TSPAN8: variants seen among roughly 807,000 people sequenced by gnomAD.
The protein encoded by TSPAN8 is tetraspanin-8.
In TSPAN8, 21 loss-of-function variants were observed where a neutral mutation model predicts 32.8. That is an observed-to-expected ratio of 0.64 (90% CI 0.45 to 0.92). The LOEUF (loss-of-function observed/expected upper bound fraction) is 0.92. TSPAN8 is among the 40% of genes least tolerant of loss of function. The pLI, the probability that TSPAN8 is intolerant of heterozygous loss-of-function variation, is 0.00. For missense variants in TSPAN8, 269 were observed against 281.9 expected (o/e 0.95, Z 0.33); for synonymous variants, 95 against 94.6 (o/e 1.00, Z -0.03).
chr12:71,148,561 C>T (rs73341875), intron 2 of TSPAN8, among the ~76,000 whole-genome samples: 1,912 of 152,310 alleles, frequency 0.013, 44 homozygotes, highest in African/African-American at 0.043. Flanking sequence ...TTCAGCTCCA[C>T]AAAATTTCCA....
At chr12:71,144,081 T>C in intron 3 of TSPAN8, 70 bp downstream of exon 3, 1 of 1,374,744 alleles carries the variant, frequency 7.3e-7, no homozygotes. Context: ...ACTATTATTG[T>C]TATAACTTTC....
In TSPAN8 at chr12:71,138,013, C is replaced by T. The variant is rs1398762427; in HGVS notation, c.384G>A (p.Leu128=). ...GTTTTTCACTTTCCCCTGTGGCGCT[C>T]AAAAGCTTTGTGTTTTCATAGAGAG... The part of the protein sequence containing the change: ...NETLYENTKL[L]SATGESEKQF... Residue 128 remains leucine (L), a synonymous_variant, in exon 6 of 9, where the codon TTG becomes TTA. Coordinates refer to ENST00000247829, the MANE Select transcript of TSPAN8 (RefSeq NM_004616.3). 6.2e-7 allele frequency: 1 copy of T among 1,613,868 alleles called. No individual in the cohort carries two copies. The highest frequency in any genetic ancestry group is 1.3e-5 in the African/African-American group (1 of 74,888).
intron 4 of TSPAN8, chr12:71,139,262 C>T (rs934258870): frequency 4.8e-5 from 22 of 458,304 alleles, no homozygotes; most frequent in South Asian, 1.1e-4. Flanking sequence ...GTTGTCTTTC[C>T]GGAAAGCTTT....
chr12:71,142,543 A>G (rs1871933381), intron 3 of TSPAN8, among the ~76,000 whole-genome samples: 1 of 152,190 alleles, frequency 6.6e-6, no homozygotes, highest in African/African-American at 2.4e-5. Flanking sequence ...CCAAAGTCAG[A>G]CTTCAGATTC....
rs11178652 is a variant in TSPAN8 at position 71,142,701 on chromosome 12, A to C, written c.123+1450T>G. Among the ~76,000 whole-genome samples, 400 of 152,262 alleles carry C rather than the reference A, an allele frequency of 2.6e-3. 8 individuals are homozygous for C. The East Asian group carries it at 0.05, about 19-fold the overall frequency. On this transcript the variant is annotated intron_variant, in intron 3 of 8. Coordinates refer to ENST00000247829, the MANE Select transcript of TSPAN8 (RefSeq NM_004616.3). ...ACTAGGATGTTACTAAAAAGCTGCCACACCCATCTCCCACCCAATTTCTTC... is the reference window on the plus strand; with the variant it reads ...ACTAGGATGTTACTAAAAAGCTGCCCCACCCATCTCCCACCCAATTTCTTC...
At chr12:71,152,718 T>A (rs1872297868) in intron 2 of TSPAN8, among the ~76,000 whole-genome samples, 2 of 152,194 alleles carry the variant, frequency 1.3e-5, no homozygotes, top group Admixed American at 1.3e-4. Context: ...CCACTGTATT[T>A]ACAAAATTCA....
chr12:71,141,947 C>T (rs1280899762), intron 3 of TSPAN8, among the ~76,000 whole-genome samples: 1 of 152,130 alleles, frequency 6.6e-6, no homozygotes, highest in African/African-American at 2.4e-5. Context: ...TGTGCTTTTC[C>T]TCATGGTGCT....
At chr12:71,150,446 C>G (rs542395814) in intron 2 of TSPAN8, among the ~76,000 whole-genome samples, 3 of 152,106 alleles carry the variant, frequency 2.0e-5, no homozygotes, top group Non-Finnish European at 4.4e-5. Flanking sequence ...TACCCCTTCC[C>G]CTTTTGAAAT....
rs181384754 is a variant in TSPAN8, at chr12:71,134,423, T to C, written c.445-1599A>G. ...GGAGATCAGAGTCAAATTTCAAAGA[T>C]AGTTCAAATAACAGAGATAAACTAA... On this transcript the variant is annotated intron_variant, in intron 6 of 8. Coordinates refer to ENST00000247829, the MANE Select transcript of TSPAN8 (RefSeq NM_004616.3). 1.6e-3 allele frequency among the ~76,000 whole-genome samples: 251 copies of C among 152,352 alleles called. 1 individual carries two copies. Among genetic ancestry groups the C allele is most frequent in the African/African-American group, 3.5e-3 (145 of 41,588 alleles).
At chr12:71,150,568 CTTTA>C (rs1872221360) in intron 2 of TSPAN8, among the ~76,000 whole-genome samples, 1 of 152,206 alleles carries the variant, frequency 6.6e-6, no homozygotes, top group African/African-American at 2.4e-5. Flanking sequence ...TACTGTTTCT[CTTTA>C]TTTCTCAGCC....
At chr12:71,152,226 A>C (rs1285468080) in intron 2 of TSPAN8, among the ~76,000 whole-genome samples, 1 of 152,198 alleles carries the variant, frequency 6.6e-6, no homozygotes, top group Non-Finnish European at 1.5e-5. Flanking sequence ...AAGAAGGGGT[A>C]GATTCAGGAT....
At chr12:71,157,125 C>CG (rs759275842) in intron 2 of TSPAN8, 1 of 152,676 alleles carries the variant, frequency 6.5e-6, no homozygotes, top group Non-Finnish European at 1.5e-5. Flanking sequence ...ATCATTTCCC[C>CG]CTCAAGTTTT....
chr12:71,145,894 T>C (rs1392872538), intron 2 of TSPAN8, among the ~76,000 whole-genome samples: 2 of 152,196 alleles, frequency 1.3e-5, no homozygotes, highest in East Asian at 3.8e-4. Flanking sequence ...TTTCCTGATA[T>C]TTGTTAAACT....
rs201646144 is a variant in TSPAN8 at position 71,138,046 on chromosome 12, C to T, written c.351G>A (p.Val117=). The stretch of plus-strand genomic sequence containing the variant: ...TTGTGTTTTCATAGAGAGTTTCATT[C>T]ACAATGCGATCAGACTGAAAATTGA... ...AVFKSKSDRI[V]NETLYENTKL... is the part of the protein sequence containing the mutation. Residue 117 remains valine, a synonymous_variant, in exon 6 of 9, where the codon GTG becomes GTA. Coordinates refer to ENST00000247829, the MANE Select transcript of TSPAN8 (RefSeq NM_004616.3). The T allele has an allele frequency of 5.6e-6, 9 of 1,613,670 alleles. No homozygotes were observed. Among genetic ancestry groups the T allele is most frequent in the Middle Eastern group, 1.6e-4 (1 of 6,078 alleles).
At chr12:71,156,269 C>A (rs10879265) in intron 2 of TSPAN8, among the ~76,000 whole-genome samples, 5,259 of 31,040 alleles carry the variant, frequency 0.17, 797 homozygotes, top group African/African-American at 0.48. Flanking sequence ...AAAAAAAAAA[C>A]AAACAAAAAA....
intron 4 of TSPAN8, chr12:71,139,346 T>C (rs1871819161): frequency 2.2e-6 from 1 of 451,550 alleles, no homozygotes; most frequent in Non-Finnish European, 4.2e-6. Flanking sequence ...GTCTTGCCCT[T>C]TGCTTCTGGG....
chr12:71,132,684 A>C lies in TSPAN8; in HGVS notation c.576+9T>G, dbSNP rs1871554094. ...TTGCTTATTGTACCAAATGTGATTT[A>C]GTTCTCACCTCTTTGTAAACTTGTT... On this transcript the variant is annotated intron_variant, in intron 7 of 8. Coordinates refer to ENST00000247829, the MANE Select transcript of TSPAN8 (RefSeq NM_004616.3). The C allele has an allele frequency of 6.2e-7, 1 of 1,612,068 alleles. No individual in the cohort carries two copies. The highest frequency in any genetic ancestry group is 8.5e-7 in the Non-Finnish European group (1 of 1,179,396).
chr12:71,152,594 A>G (rs1405389082), intron 2 of TSPAN8, among the ~76,000 whole-genome samples: 2 of 152,146 alleles, frequency 1.3e-5, no homozygotes, highest in South Asian at 2.1e-4. Flanking sequence ...AATTTCCCCA[A>G]AGAAGCACAG....
intron 8 of TSPAN8, among the ~76,000 whole-genome samples, chr12:71,127,310 G>T (rs567065816): frequency 1.3e-5 from 2 of 151,808 alleles, no homozygotes; most frequent in South Asian, 4.1e-4. Flanking sequence ...ATAATTTATA[G>T]ACTGGGTGTC....
Sources: allele counts gnomAD v4.1 joint callset (sites outside exome capture counted in the v4.1 genomes callset), GRCh38; gene constraint gnomAD v4.1.1; transcripts MANE v1.5; gene names NCBI Gene and HGNC (gene_info 2026-07-23, HGNC 2026-07-21).